The following ICE1 variants were observed in gnomAD, a reference collection of about 807,000 sequenced individuals.
ICE1 encodes little elongation complex subunit 1.
A neutral mutation model predicts 192.7 loss-of-function variants in ICE1; 64 were observed. The ratio of observed to expected loss-of-function variants is 0.33; its 90% confidence interval spans 0.27 to 0.41. The LOEUF (loss-of-function observed/expected upper bound fraction) is 0.41, where lower values mean the gene tolerates loss of function less well. ICE1 is among the 10% of genes least tolerant of loss of function. The pLI, the probability that ICE1 is intolerant of heterozygous loss-of-function variation, is 1.00. For synonymous variants in ICE1, 1,010 were observed against 984.5 expected (o/e 1.03, Z -0.49); for missense variants, 2,708 against 2,696.0 (o/e 1.00, Z -0.10).
Position 5,462,514 on chromosome 5 carries a change from G to C in ICE1, c.3180G>C (p.Leu1060Phe). The change falls in exon 13 of 19, where the codon TTG (leucine) becomes TTC (phenylalanine). Residue 1060 changes from leucine (L) to phenylalanine (F), a missense_variant. Physicochemically the swap from Leu to Phe is conservative, Grantham distance 22. This residue lies in a region of ICE1 where 2,366 missense variants were observed against 2,276.6 expected (regional missense o/e 1.04). Transcript: ENST00000296564. ...AATCTACAACTCCCGGTGGTGCTTT[G>C]CCTGAGTGTTTTGGCACCACAGACA... Reference protein sequence around the residue: ...KLKSTTPGGALPECFGTTDTT... With the variant: ...KLKSTTPGGAFPECFGTTDTT... 2.5e-6 allele frequency: 4 copies of C among 1,614,000 alleles called. No individual in the cohort carries two copies. Among genetic ancestry groups the C allele is most frequent in the Non-Finnish European group, 2.5e-6 (3 of 1,179,894 alleles).
chr5:5,426,924 G>T (rs1279173320), intron 1 of ICE1, among the ~76,000 whole-genome samples: 2 of 152,228 alleles, frequency 1.3e-5, no homozygotes, highest in East Asian at 1.9e-4. Flanking sequence ...TGATCATGCA[G>T]AGAATTTACA....
In ICE1 at chr5:5,469,816, A is replaced by C. The variant is rs75138571; in HGVS notation, c.6222+828A>C. On this transcript the variant is annotated intron_variant, in intron 15 of 18. Transcript: ENST00000296564. ...AAAGCAAGTTTGTAATGATCTCTTC[A>C]TCAATCTATCTAGACACAACAGAGT... Among the ~76,000 whole-genome samples, 388 of 152,306 alleles carry C rather than the reference A, an allele frequency of 2.5e-3. 1 individual carries two copies. Among genetic ancestry groups the C allele is most frequent in the African/African-American group, 9.0e-3 (375 of 41,564 alleles).
Position 5,462,649 on chromosome 5 carries a change from C to T in ICE1, c.3315C>T (p.Asp1105=), listed in dbSNP as rs759504787. 1.3e-5 allele frequency: 21 copies of T among 1,613,682 alleles called. No homozygotes were observed. The highest frequency in any genetic ancestry group is 1.0e-4 in the Admixed American group (6 of 59,970). The change falls in exon 13 of 19, where the codon GAC becomes GAT. Residue 1105 remains aspartate (D), a synonymous_variant. Coordinates refer to ENST00000296564, the MANE Select transcript of ICE1 (RefSeq NM_015325.3). ...HCYTGIREGG[D]DTEVESEAFS... Reference sequence around the variant, plus strand: ...ACACAGGCATTCGAGAGGGGGGAGACGACACTGAGGTAGAGAGTGAGGCAT... The same window carrying T: ...ACACAGGCATTCGAGAGGGGGGAGATGACACTGAGGTAGAGAGTGAGGCAT...
chr5:5,459,148 C>T (rs1579560991), intron 12 of ICE1, among the ~76,000 whole-genome samples: 1 of 152,174 alleles, frequency 6.6e-6, no homozygotes, highest in African/African-American at 2.4e-5. Flanking sequence ...GCTAGGATTA[C>T]AGGCGTGAGC....
At chr5:5,434,825 A>T (rs1458830574) in intron 1 of ICE1, among the ~76,000 whole-genome samples, 2 of 152,196 alleles carry the variant, frequency 1.3e-5, no homozygotes, top group Non-Finnish European at 2.9e-5. Context: ...TGTTTATTTT[A>T]GTCTAGCCTA....
Position 5,473,618 on chromosome 5 carries a change from C to A in ICE1, c.6283C>A (p.Pro2095Thr). ...SKLLLTIQLC[P>T]KTEFQPSEKF... ...GCTGCTTTTGACCATACAGTTATGTCCAAAAACAGAATTTCAACCTAGTGA... is the reference window on the plus strand; with the variant it reads ...GCTGCTTTTGACCATACAGTTATGTACAAAAACAGAATTTCAACCTAGTGA... The change falls in exon 16 of 19, where the codon CCA becomes ACA. Residue 2095 changes from proline (P) to threonine (T), a missense_variant. Around this residue, in one of 2 missense-constraint regions of ICE1, gnomAD observed 342 missense variants for 419.3 expected, o/e 0.82. Coordinates refer to ENST00000296564, the MANE Select transcript of ICE1 (RefSeq NM_015325.3). The A allele has an allele frequency of 6.2e-7, 1 of 1,613,484 alleles. No homozygotes were observed. Among genetic ancestry groups the A allele is most frequent in the Non-Finnish European group, 8.5e-7 (1 of 1,179,744 alleles).
chr5:5,424,609 G>A (rs888367261), intron 1 of ICE1, among the ~76,000 whole-genome samples: 1 of 152,148 alleles, frequency 6.6e-6, no homozygotes. Flanking sequence ...TATGTTAGAG[G>A]GTAATGAAAA....
intron 1 of ICE1, among the ~76,000 whole-genome samples, chr5:5,429,070 A>G (rs1737616754): frequency 6.6e-6 from 1 of 152,186 alleles, no homozygotes; most frequent in South Asian, 2.1e-4. Flanking sequence ...AATCAGGCAC[A>G]AGCTTCTGAG....
intron 15 of ICE1, among the ~76,000 whole-genome samples, chr5:5,470,236 G>T (rs1429370692): frequency 1.3e-5 from 2 of 152,084 alleles, no homozygotes; most frequent in Non-Finnish European, 2.9e-5. Flanking sequence ...CCTACAGGGG[G>T]TTACCTGTTC....
chr5:5,436,601 G>C lies in ICE1; in HGVS notation c.143+125G>C. The C allele has an allele frequency of 8.2e-6, 4 of 490,638 alleles. No homozygotes were observed. The East Asian group carries it at 1.0e-4, about 13-fold the overall frequency. 30.4% of individuals were successfully genotyped at this position (490,638 alleles called of 1,614,324 possible). A position where few individuals can be genotyped will look rare whatever the true frequency, so the allele number is the denominator to read the frequency against. On this transcript the variant is annotated intron_variant, in intron 2 of 18. Transcript: ENST00000296564. ...GAGTTTCTCCTTTGGAGGCCTGCAT[G>C]GTACTGATTATAATTCCCCGTGAGC...
chr5:5,460,056 C>T (rs532364388), intron 12 of ICE1, among the ~76,000 whole-genome samples: 6 of 152,226 alleles, frequency 3.9e-5, no homozygotes, highest in South Asian at 2.1e-4. Context: ...AATAGAGGGC[C>T]GTGAAGCCAG....
Position 5,461,039 on chromosome 5 carries a change from A to G in ICE1, c.1705A>G (p.Ile569Val), listed in dbSNP as rs950626401. ...PKSEFTKWTR[I>V]NEITSEPDRI... ...ATCAGAGTTTACTAAGTGGACACGA[A>G]TTAATGAAATCACTTCTGAACCAGA... The change falls in exon 13 of 19, where the codon ATT becomes GTT. Residue 569 changes from isoleucine to valine, a missense_variant. Physicochemically the swap from Ile to Val is conservative, Grantham distance 29. This residue lies in a region of ICE1 where 2,366 missense variants were observed against 2,276.6 expected (regional missense o/e 1.04). Transcript: ENST00000296564. 2.5e-6 allele frequency: 4 copies of G among 1,614,088 alleles called. No individual in the cohort carries two copies. The highest frequency in any genetic ancestry group is 3.4e-6 in the Non-Finnish European group (4 of 1,179,904).
At position 5,462,753 on chromosome 5, in the gene ICE1, T is replaced by C. The variant is rs766799128; in HGVS notation, c.3419T>C (p.Val1140Ala). Residue 1140 changes from valine (V) to alanine (A), a missense_variant, in exon 13 of 19, where the codon GTA becomes GCA. Val to Ala is a moderately conservative substitution (Grantham distance 64). This residue lies in a region of ICE1 where 2,366 missense variants were observed against 2,276.6 expected (regional missense o/e 1.04). Coordinates refer to ENST00000296564, the MANE Select transcript of ICE1 (RefSeq NM_015325.3). ...AATTTAGGAGACACAGATGCTGCTG[T>C]AGCCGAGGTGAGACCTTCCTTAGAG... ...QKNLGDTDAA[V>A]AEVRPSLEVG... 2 of 1,613,806 alleles carry C rather than the reference T, an allele frequency of 1.2e-6. No homozygotes were observed. Among genetic ancestry groups the C allele is most frequent in the South Asian group, 2.2e-5 (2 of 91,044 alleles).
intron 10 of ICE1, among the ~76,000 whole-genome samples, chr5:5,450,635 T>C (rs1274101470): frequency 6.6e-6 from 1 of 152,144 alleles, no homozygotes; most frequent in Admixed American, 6.5e-5. Flanking sequence ...TCGTAGGAAA[T>C]ATACCTAAAA....
At chr5:5,439,773 A>G in intron 3 of ICE1, 122 bp from the exon 4 acceptor site, 1 of 557,808 alleles carries the variant, frequency 1.8e-6, no homozygotes, top group Admixed American at 4.0e-5. Context: ...GTTTTCTAGT[A>G]TTTATGATCT....
Position 5,475,975 on chromosome 5 carries a change from AGG to A in ICE1, c.6417_6418del (p.Glu2140AlafsTer7), listed in dbSNP as rs1739293444. 1 of 1,591,694 alleles carries A rather than the reference AGG, an allele frequency of 6.3e-7. No homozygotes were observed. ...CTTTTCATGTTGTTTTTTTATAGTA[AGG>A]AGCTGTGGCCTGTGATGGATAAATG... On this transcript the variant is annotated frameshift_variant, in exon 17 of 19. Coordinates refer to ENST00000296564, the MANE Select transcript of ICE1 (RefSeq NM_015325.3). LOFTEE classifies it high-confidence loss of function.
intron 1 of ICE1, among the ~76,000 whole-genome samples, chr5:5,435,563 T>A (rs1015524701): frequency 6.6e-6 from 1 of 151,682 alleles, no homozygotes; most frequent in Non-Finnish European, 1.5e-5. Context: ...AAAGAAAAAA[T>A]TAGCTCATTT....
chr5:5,436,590 G>A (rs1185111289), intron 2 of ICE1, 114 bp downstream of exon 2: 1 of 534,788 alleles, frequency 1.9e-6, no homozygotes, highest in Non-Finnish European at 3.2e-6. Context: ...TTCTCCTTTG[G>A]AGGCCTGCAT....
At chr5:5,465,963 G>C (rs976978172) in intron 13 of ICE1, among the ~76,000 whole-genome samples, 7 of 152,094 alleles carry the variant, frequency 4.6e-5, no homozygotes, top group African/African-American at 1.7e-4. Flanking sequence ...AAGAATGAGA[G>C]TAGAATTACA....
Sources: allele counts gnomAD v4.1 joint callset (sites outside exome capture counted in the v4.1 genomes callset), GRCh38; gene constraint gnomAD v4.1.1; regional missense constraint gnomAD v4.1.1; transcripts MANE v1.5; gene names NCBI Gene and HGNC (gene_info 2026-07-23, HGNC 2026-07-21).